Variants in VMA12 observed in about 807,000 individuals in gnomAD.
The protein encoded by VMA12 is vacuolar ATPase assembly factor VMA12, also known as vacuolar ATPase assembly protein VMA12.
chr17:28,360,548 C>T, the VMA12 span: 3 of 1,614,182 alleles, frequency 1.9e-6, no homozygotes, highest in African/African-American at 1.3e-5. Flanking sequence ...CATGGTGGGA[C>T]TCTCAGCGAC....
At chr17:28,358,384 A>C in the VMA12 span, 1 of 472,306 alleles carries the variant, frequency 2.1e-6, no homozygotes. Flanking sequence ...CTCTGTCACT[A>C]ATCCTTTGAA....
chr17:28,361,189 G>A, the VMA12 span: 1 of 1,614,118 alleles, frequency 6.2e-7, no homozygotes, highest in Admixed American at 1.7e-5. Context: ...TCGCCTCTGT[G>A]GTGGGTCTGG....
the VMA12 span, chr17:28,360,332 G>T: frequency 1.8e-6 from 1 of 547,662 alleles, no homozygotes. Context: ...GAGAGTAGAT[G>T]GGTACTGGCA....
At chr17:28,361,236 A>G in the VMA12 span, 1 of 1,614,118 alleles carries the variant, frequency 6.2e-7, no homozygotes, top group Non-Finnish European at 8.5e-7. Context: ...ATGGAAGGCG[A>G]GCTGGGAGAA....
chr17:28,358,447 A>G, the VMA12 span: 14 of 472,198 alleles, frequency 3.0e-5, no homozygotes, highest in Admixed American at 3.3e-4. Flanking sequence ...AAGGGAAGGA[A>G]CAGGACAAAC....
chr17:28,358,440 G>A, the VMA12 span: 3 of 472,180 alleles, frequency 6.4e-6, no homozygotes, highest in East Asian at 6.9e-5. Flanking sequence ...ATGTGTAAAG[G>A]GAAGGAACAG....
At chr17:28,359,009 G>T in the VMA12 span, 5 of 1,590,102 alleles carry the variant, frequency 3.1e-6, no homozygotes, top group Non-Finnish European at 4.3e-6. Context: ...GGATATGTTT[G>T]TGAGAGTGGT....
chr17:28,357,951 C>A, the VMA12 span: 1 of 1,520,886 alleles, frequency 6.6e-7, no homozygotes, highest in Non-Finnish European at 9.0e-7. Context: ...GGTCTTTTCC[C>A]ATCATTCCCC....
At chr17:28,361,372 G>A in the VMA12 span, 1 of 830,394 alleles carries the variant, frequency 1.2e-6, no homozygotes, top group African/African-American at 1.7e-5. Flanking sequence ...CAGAAGACCA[G>A]CCCAGGCCAG....
the VMA12 span, chr17:28,357,686 C>T: frequency 3.1e-6 from 5 of 1,612,682 alleles, no homozygotes; most frequent in Admixed American, 1.7e-5. Flanking sequence ...GTCCTCTTTG[C>T]TTGCGGGCGA....
the VMA12 span, chr17:28,361,503 T>C: frequency 1.1e-5 from 5 of 470,454 alleles, no homozygotes; most frequent in South Asian, 2.3e-5. Flanking sequence ...TACCTCTTCC[T>C]GAATCTGGTA....
the VMA12 span, chr17:28,360,415 C>A: frequency 1.0e-6 from 1 of 977,888 alleles, no homozygotes; most frequent in Non-Finnish European, 1.6e-6. Flanking sequence ...ACAAAAGAAT[C>A]CATGGGGAGG....
the VMA12 span, chr17:28,358,838 A>C: frequency 8.9e-7 from 1 of 1,118,524 alleles, no homozygotes; most frequent in Admixed American, 2.4e-5. Flanking sequence ...GGTAGAAAGA[A>C]GGGCTACACC....
At chr17:28,361,157 C>CGGGG in the VMA12 span, 1 of 1,613,956 alleles carries the variant, frequency 6.2e-7, no homozygotes, top group Non-Finnish European at 8.5e-7. Flanking sequence ...CCATCTCCAG[C>CGGGG]GGGTGCTAGC....
chr17:28,358,332 G>C, the VMA12 span: 1 of 447,722 alleles, frequency 2.2e-6, no homozygotes, highest in Non-Finnish European at 4.7e-6. Context: ...AAGCTGTGTT[G>C]AAAGATCTGG....
At chr17:28,361,217 G>T in the VMA12 span, 6 of 1,614,058 alleles carry the variant, frequency 3.7e-6, no homozygotes, top group Admixed American at 8.3e-5. Context: ...GTATGTCATG[G>T]TGCGGGCAAT....
At chr17:28,361,948 T>C in the VMA12 span, 1 of 152,316 alleles carries the variant, frequency 6.6e-6, no homozygotes, top group Non-Finnish European at 1.5e-5. Context: ...TTCTGAAGTC[T>C]TGTAATGTTT....
chr17:28,360,438 T>C, the VMA12 span: 2 of 1,108,176 alleles, frequency 1.8e-6, no homozygotes, highest in Non-Finnish European at 2.6e-6. Flanking sequence ...AGAGTTAATA[T>C]GTTGGGGAAT....
At chr17:28,358,926 A>C in the VMA12 span, 1 of 1,610,532 alleles carries the variant, frequency 6.2e-7, no homozygotes, top group Non-Finnish European at 8.5e-7. Flanking sequence ...ATTCCAAACT[A>C]TACCTCCATG....
Sources: gnomAD v4.1 joint callset for allele counts on GRCh38, gnomAD v4.1.1 for gene constraint, MANE v1.5 for transcripts, NCBI Gene and HGNC (gene_info 2026-07-23, HGNC 2026-07-21) for gene names.